QTMAN: variants seen among roughly 807,000 people sequenced by gnomAD.
QTMAN encodes the protein queuosine-tRNA mannosyltransferase.
At chr2:144,008,194 G>A in the QTMAN span, among the ~76,000 whole-genome samples, 1 of 151,906 alleles carries the variant, frequency 6.6e-6, no homozygotes, top group African/African-American at 2.4e-5. Flanking sequence ...ACAAATAGAG[G>A]GGCTATCCTC....
the QTMAN span, among the ~76,000 whole-genome samples, chr2:144,057,610 G>A: frequency 5.9e-5 from 9 of 152,088 alleles, no homozygotes; most frequent in African/African-American, 2.2e-4. Context: ...TTTGACCATA[G>A]TGGGTTTCTT....
the QTMAN span, among the ~76,000 whole-genome samples, chr2:144,307,539 A>G: frequency 6.6e-6 from 1 of 152,190 alleles, no homozygotes; most frequent in Non-Finnish European, 1.5e-5. Context: ...AGACACTAAT[A>G]TTGGATAGGA....
chr2:144,022,929 T>C, the QTMAN span, among the ~76,000 whole-genome samples: 6 of 152,192 alleles, frequency 3.9e-5, no homozygotes, highest in African/African-American at 1.2e-4. Flanking sequence ...GATAAATATA[T>C]AAAAATCCTA....
At chr2:144,115,177 G>A in the QTMAN span, among the ~76,000 whole-genome samples, 2 of 151,106 alleles carry the variant, frequency 1.3e-5, no homozygotes, top group African/African-American at 2.4e-5. Flanking sequence ...GTTGCAGTAA[G>A]CCGAGATCAC....
chr2:144,231,040 T>C, the QTMAN span, among the ~76,000 whole-genome samples: 1 of 152,298 alleles, frequency 6.6e-6, no homozygotes, highest in Middle Eastern at 3.4e-3. Flanking sequence ...CTTGTAAAAG[T>C]ATTCTACAGA....
At chr2:144,300,302 T>A in the QTMAN span, among the ~76,000 whole-genome samples, 18 of 152,358 alleles carry the variant, frequency 1.2e-4, no homozygotes, top group African/African-American at 4.1e-4. Context: ...CTATTTTTTT[T>A]AATTATCTAT....
chr2:144,007,228 C>G, the QTMAN span: 1 of 1,610,428 alleles, frequency 6.2e-7, no homozygotes, highest in African/African-American at 1.3e-5. Context: ...TGATTATCAA[C>G]TCCACCCAAA....
the QTMAN span, among the ~76,000 whole-genome samples, chr2:144,163,708 A>G: frequency 3.5e-3 from 526 of 152,306 alleles, 4 homozygotes; most frequent in Middle Eastern, 0.017. Context: ...TGTCATCTCC[A>G]TATTTGTTTA....
chr2:144,043,891 C>T, the QTMAN span, among the ~76,000 whole-genome samples: 1 of 152,100 alleles, frequency 6.6e-6, no homozygotes, highest in Non-Finnish European at 1.5e-5. Context: ...CTGTGAAAAC[C>T]TTAGTGTACC....
the QTMAN span, among the ~76,000 whole-genome samples, chr2:144,231,843 GGTGTGTGTGTGTGTGTGTGTGTGT>G: frequency 0.065 from 9,038 of 138,446 alleles, 356 homozygotes; most frequent in South Asian, 0.18. Flanking sequence ...GAATGAAAGA[GGTGTGTGTGTGTGTGTGTGTGTGT>G]GTGTGTGTGT....
At chr2:144,007,587 AT>A in the QTMAN span, 868 of 1,270,992 alleles carry the variant, frequency 6.8e-4, 6 homozygotes, top group African/African-American at 0.012. Flanking sequence ...AATATGTAAA[AT>A]TTGTCCTTTA....
the QTMAN span, among the ~76,000 whole-genome samples, chr2:144,267,365 G>GA: frequency 6.6e-6 from 1 of 152,148 alleles, no homozygotes; most frequent in Non-Finnish European, 1.5e-5. Flanking sequence ...GACTTCAAAG[G>GA]AAAGTGCTCA....
At chr2:144,080,564 G>A in the QTMAN span, among the ~76,000 whole-genome samples, 1 of 152,088 alleles carries the variant, frequency 6.6e-6, no homozygotes, top group Non-Finnish European at 1.5e-5. Context: ...GTCTCCGTAA[G>A]GTTTCAAAAT....
At chr2:144,319,202 A>G in the QTMAN span, among the ~76,000 whole-genome samples, 1,910 of 152,290 alleles carry the variant, frequency 0.013, 12 homozygotes, top group Non-Finnish European at 0.023. Flanking sequence ...TCCACTGAAA[A>G]GGATGTTTTC....
At chr2:144,051,663 G>A in the QTMAN span, among the ~76,000 whole-genome samples, 1 of 152,106 alleles carries the variant, frequency 6.6e-6, no homozygotes, top group African/African-American at 2.4e-5. Context: ...ATAAAAAGAG[G>A]GTGGATGATA....
At chr2:143,973,788 CA>C in the QTMAN span, among the ~76,000 whole-genome samples, 217 of 89,126 alleles carry the variant, frequency 2.4e-3, no homozygotes, top group Non-Finnish European at 2.5e-3. Context: ...AACTCCGTCT[CA>C]AAAAAAAAAA....
At chr2:144,176,574 T>C in the QTMAN span, among the ~76,000 whole-genome samples, 2 of 152,138 alleles carry the variant, frequency 1.3e-5, no homozygotes, top group Non-Finnish European at 2.9e-5. Flanking sequence ...TAGATAATAT[T>C]AGAAAGCTCA....
At chr2:144,175,538 C>T in the QTMAN span, among the ~76,000 whole-genome samples, 1 of 152,140 alleles carries the variant, frequency 6.6e-6, no homozygotes, top group Non-Finnish European at 1.5e-5. Context: ...GCACTAAATT[C>T]ACATGGCATC....
At chr2:143,970,911 T>C in the QTMAN span, 36,954 of 618,120 alleles carry the variant, frequency 0.06, 1,518 homozygotes, top group East Asian at 0.17. Flanking sequence ...TTCCTATAAC[T>C]TCACACTATA....
Sources: gnomAD v4.1 joint callset for allele counts (sites outside exome capture counted in the v4.1 genomes callset) on GRCh38, gnomAD v4.1.1 for gene constraint, MANE v1.5 for transcripts, NCBI Gene and HGNC (gene_info 2026-07-23, HGNC 2026-07-21) for gene names.